Variants in AUTS2 observed in about 807,000 individuals in gnomAD.
The protein encoded by AUTS2 is autism susceptibility gene 2 protein.
A neutral mutation model predicts 112.4 loss-of-function variants in AUTS2; 17 were observed. The observed-to-expected ratio is 0.15, with a 90% CI of 0.10 to 0.23. AUTS2 has a LOEUF of 0.23. AUTS2 is among the 10% of genes least tolerant of loss of function. AUTS2 has a pLI of 1.00. For missense variants in AUTS2, 1,510 were observed against 1,701.6 expected (o/e 0.89, Z 1.98); for synonymous variants, 751 against 702.7 (o/e 1.07, Z -1.09).
chr7:70,519,172 A>G (rs1306373386), intron 5 of AUTS2, among the ~76,000 whole-genome samples: 1 of 152,228 alleles, frequency 6.6e-6, no homozygotes, highest in Non-Finnish European at 1.5e-5. Context: ...AGGGTCAAAT[A>G]GAAATGGTGG....
chr7:70,629,273 C>G (rs997537090), intron 5 of AUTS2, among the ~76,000 whole-genome samples: 2 of 152,094 alleles, frequency 1.3e-5, no homozygotes, highest in African/African-American at 2.4e-5. Flanking sequence ...GAGTTTGAGA[C>G]CAGCTTGGCC....
intron 1 of AUTS2, among the ~76,000 whole-genome samples, chr7:69,628,080 G>C (rs1178685974): frequency 6.6e-6 from 1 of 152,150 alleles, no homozygotes; most frequent in Admixed American, 6.5e-5. Context: ...TAATGTGTCG[G>C]TAATGTGTGC....
chr7:70,439,024 T>G (rs1283062133), intron 5 of AUTS2, among the ~76,000 whole-genome samples: 1 of 152,176 alleles, frequency 6.6e-6, no homozygotes, highest in East Asian at 1.9e-4. Flanking sequence ...TGCTTTCCTC[T>G]GATATGAAGC....
intron 5 of AUTS2, among the ~76,000 whole-genome samples, chr7:70,442,528 T>C (rs1355710891): frequency 6.6e-6 from 1 of 152,236 alleles, no homozygotes; most frequent in Admixed American, 6.5e-5. Flanking sequence ...TCTCGCTCTG[T>C]CACCCAGGCA....
intron 1 of AUTS2, among the ~76,000 whole-genome samples, chr7:69,656,746 T>C (rs1795559321): frequency 6.6e-6 from 1 of 152,156 alleles, no homozygotes; most frequent in African/African-American, 2.4e-5. Context: ...TATGTGAATT[T>C]GATGTTGGAT....
At chr7:70,580,100 C>A (rs192753559) in intron 5 of AUTS2, among the ~76,000 whole-genome samples, 2 of 152,092 alleles carry the variant, frequency 1.3e-5, no homozygotes, top group African/African-American at 4.8e-5. Flanking sequence ...AGCACTGACT[C>A]GGTGGTGTGC....
At chr7:70,114,599 C>T (rs1805260890) in intron 2 of AUTS2, among the ~76,000 whole-genome samples, 1 of 152,026 alleles carries the variant, frequency 6.6e-6, no homozygotes, top group Non-Finnish European at 1.5e-5. Context: ...TTGAAACCAA[C>T]CTGACCAACA....
intron 1 of AUTS2, among the ~76,000 whole-genome samples, chr7:69,689,441 C>A (rs1317673786): frequency 6.9e-6 from 1 of 145,184 alleles, no homozygotes; most frequent in African/African-American, 2.5e-5. Flanking sequence ...ACTTCCACCT[C>A]CTGGGTTCAA....
At chr7:69,784,643 A>T (rs956002847) in intron 1 of AUTS2, among the ~76,000 whole-genome samples, 6 of 152,192 alleles carry the variant, frequency 3.9e-5, no homozygotes, top group Admixed American at 3.9e-4. Context: ...GGGAGTTGTT[A>T]TTTGTAAGTG....
rs181353401 is a variant in AUTS2 at position 70,306,694 on chromosome 7, G to T, written c.661-129058G>T. Among the ~76,000 whole-genome samples the T allele has an allele frequency of 5.1e-4, 77 of 152,306 alleles. 1 individual carries two copies. The highest frequency in any genetic ancestry group is 1.8e-3 in the African/African-American group (74 of 41,580). On this transcript the variant is annotated intron_variant, in intron 4 of 18. Coordinates refer to ENST00000342771, the MANE Select transcript of AUTS2 (RefSeq NM_015570.4). Reference sequence around the variant, plus strand: ...TCTAGTTTTTACAAGAAAAAGAAAAGAACTGTGCTAACCATTTTGTTCATC... The same window carrying T: ...TCTAGTTTTTACAAGAAAAAGAAAATAACTGTGCTAACCATTTTGTTCATC...
At chr7:69,763,452 T>A (rs1041636607) in intron 1 of AUTS2, among the ~76,000 whole-genome samples, 1 of 152,220 alleles carries the variant, frequency 6.6e-6, no homozygotes, top group South Asian at 2.1e-4. Context: ...AATATCTGCC[T>A]TAGTAATAAT....
At chr7:70,361,684 G>A (rs1792275013) in intron 4 of AUTS2, among the ~76,000 whole-genome samples, 1 of 152,152 alleles carries the variant, frequency 6.6e-6, no homozygotes, top group African/African-American at 2.4e-5. Context: ...AACAAGGGTA[G>A]GATGAACAGA....
intron 2 of AUTS2, among the ~76,000 whole-genome samples, chr7:70,043,578 TTCCTTCCTTCCTTCCTTCC>T (rs1563060701): frequency 8.7e-6 from 1 of 115,576 alleles, no homozygotes; most frequent in Non-Finnish European, 1.7e-5. Flanking sequence ...CCTTCCTTCC[TTCCTTCCTTCCTTCCTTCC>T]TTCCTTCCTT....
At chr7:70,737,143 A>T (rs1358262708) in intron 6 of AUTS2, among the ~76,000 whole-genome samples, 2 of 152,250 alleles carry the variant, frequency 1.3e-5, no homozygotes, top group Non-Finnish European at 2.9e-5. Context: ...AAGAAATGGA[A>T]AAAGCAGGGA....
intron 13 of AUTS2, among the ~76,000 whole-genome samples, chr7:70,775,667 A>T (rs1585670429): frequency 6.6e-6 from 1 of 152,134 alleles, no homozygotes; most frequent in African/African-American, 2.4e-5. Flanking sequence ...ACTAGTTGGA[A>T]CTTAAGGGGA....
At chr7:70,365,505 C>CGTAAATG (rs1030183260) in intron 4 of AUTS2, among the ~76,000 whole-genome samples, 30 of 152,128 alleles carry the variant, frequency 2.0e-4, no homozygotes, top group Non-Finnish European at 4.0e-4. Context: ...TGACAGAGAA[C>CGTAAATG]GTAAATGGTA....
At chr7:69,609,678 G>A (rs563569017) in intron 1 of AUTS2, among the ~76,000 whole-genome samples, 1 of 152,306 alleles carries the variant, frequency 6.6e-6, no homozygotes, top group East Asian at 1.9e-4. Flanking sequence ...TGTATGGAGT[G>A]AGTGAACTTT....
intron 4 of AUTS2, among the ~76,000 whole-genome samples, chr7:70,235,613 G>C (rs1181476463): frequency 6.6e-6 from 1 of 151,810 alleles, no homozygotes; most frequent in African/African-American, 2.4e-5. Context: ...ATGAAAGCAG[G>C]ATACCTATCT....
At chr7:70,026,753 G>A (rs959270534) in intron 2 of AUTS2, among the ~76,000 whole-genome samples, 1 of 152,062 alleles carries the variant, frequency 6.6e-6, no homozygotes, top group African/African-American at 2.4e-5. Flanking sequence ...TATCTGAATG[G>A]GTATACATAT....
Sources: gnomAD v4.1 joint callset for allele counts (sites outside exome capture counted in the v4.1 genomes callset) on GRCh38, gnomAD v4.1.1 for gene constraint, MANE v1.5 for transcripts, NCBI Gene and HGNC (gene_info 2026-07-23, HGNC 2026-07-21) for gene names.